The following LRBA variants were observed in gnomAD, a reference collection of about 807,000 sequenced individuals.
LRBA encodes the protein LPS responsive beige-like anchor protein.
LRBA carries 176 observed loss-of-function variants against 330.0 expected under a neutral mutation model. That is an observed-to-expected ratio of 0.53 (90% CI 0.47 to 0.60). The LOEUF (loss-of-function observed/expected upper bound fraction) is 0.60, where lower values mean the gene tolerates loss of function less well. Among genes scored for constraint, LRBA ranks in the 20% least tolerant of loss-of-function variants. The pLI, the probability that LRBA is intolerant of heterozygous loss-of-function variation, is 0.00. For missense variants in LRBA, 3,259 were observed against 3,444.8 expected, an observed-to-expected ratio of 0.95 and a Z score of 1.35; for synonymous variants, 1,230 against 1,193.0, an observed-to-expected ratio of 1.03 and a Z score of -0.64.
intron 56 of LRBA, among the ~76,000 whole-genome samples, chr4:150,273,219 T>A (rs894369547): frequency 1.3e-5 from 2 of 152,106 alleles, no homozygotes; most frequent in Non-Finnish European, 2.9e-5. Context: ...CTAAGCTTCA[T>A]AAGCAAAGGA....
chr4:150,311,326 C>T (rs1731026741), intron 51 of LRBA: 1 of 152,082 alleles, frequency 6.6e-6, no homozygotes, highest in Non-Finnish European at 1.5e-5. Context: ...TTTGATTGTA[C>T]CAGAAATCAG....
intron 43 of LRBA, among the ~76,000 whole-genome samples, chr4:150,468,520 G>T (rs78219848): frequency 0.025 from 3,838 of 152,008 alleles, 148 homozygotes; most frequent in African/African-American, 0.087. Flanking sequence ...CAGTTTTTTG[G>T]ATATTACCTT....
rs368127743 is a variant in LRBA at position 150,795,201 on chromosome 4, C to T, written c.5580+2880G>A. On this transcript the variant is annotated intron_variant, in intron 34 of 56. Coordinates refer to ENST00000651943, the MANE Select transcript of LRBA (RefSeq NM_001364905.1). ...AGTCTTTCAAAAATGATATTAATGT[C>T]AAATGAACAAGATACAAACACTTTA... is the stretch of plus-strand genomic sequence containing the variant. 1.7e-4 allele frequency among the ~76,000 whole-genome samples: 26 copies of T among 152,086 alleles called. No individual in the cohort carries two copies. In the South Asian group the frequency reaches 2.9e-3, roughly 17 times the overall value.
At chr4:150,684,277 A>C (rs1582035909) in intron 36 of LRBA, among the ~76,000 whole-genome samples, 1 of 152,206 alleles carries the variant, frequency 6.6e-6, no homozygotes, top group South Asian at 2.1e-4. Flanking sequence ...AGGCCACTGC[A>C]CAGGGCCAGA....
chr4:150,608,453 T>C (rs1015558981), intron 37 of LRBA, among the ~76,000 whole-genome samples: 1 of 152,028 alleles, frequency 6.6e-6, no homozygotes, highest in Non-Finnish European at 1.5e-5. Flanking sequence ...AGAACCAAAA[T>C]AGAACGGTGC....
intron 2 of LRBA, among the ~76,000 whole-genome samples, chr4:150,938,215 T>G (rs1735299486): frequency 6.6e-6 from 1 of 152,160 alleles, no homozygotes; most frequent in Non-Finnish European, 1.5e-5. Context: ...CTGAACCTAT[T>G]TATTTATAAA....
intron 35 of LRBA, among the ~76,000 whole-genome samples, chr4:150,741,684 A>C (rs961705981): frequency 2.9e-4 from 44 of 152,206 alleles, no homozygotes; most frequent in African/African-American, 9.9e-4. Flanking sequence ...AAGTAGGAAA[A>C]AAAAGAATCA....
At chr4:150,849,823 A>G (rs1400443387) in intron 24 of LRBA, among the ~76,000 whole-genome samples, 1 of 152,214 alleles carries the variant, frequency 6.6e-6, no homozygotes, top group Non-Finnish European at 1.5e-5. Flanking sequence ...CTGGATATAA[A>G]AAGTTGAAGA....
intron 37 of LRBA, among the ~76,000 whole-genome samples, chr4:150,639,922 T>A (rs771374225): frequency 7.1e-6 from 1 of 140,018 alleles, no homozygotes; most frequent in Non-Finnish European, 1.5e-5. Flanking sequence ...AATGGTATGA[T>A]CTCTGCTCAC....
At chr4:150,880,402 C>A (rs911429813) in intron 17 of LRBA, among the ~76,000 whole-genome samples, 4 of 152,038 alleles carry the variant, frequency 2.6e-5, no homozygotes, top group African/African-American at 9.7e-5. Flanking sequence ...TGCCTGTAAT[C>A]CCAGCTACCT....
chr4:150,279,297 C>T (rs1747208867), intron 55 of LRBA, among the ~76,000 whole-genome samples: 1 of 152,138 alleles, frequency 6.6e-6, no homozygotes, highest in Non-Finnish European at 1.5e-5. Flanking sequence ...CTCCAAAAGC[C>T]AATCCTATTA....
chr4:150,632,234 G>GA lies in LRBA; in HGVS notation c.5922-33104dup, dbSNP rs33955499. Among the ~76,000 whole-genome samples, 433 of 136,954 alleles carry GA rather than the reference G, an allele frequency of 3.2e-3. 3 individuals are homozygous for GA. Among genetic ancestry groups the GA allele is most frequent in the African/African-American group, 7.3e-3 (268 of 36,886 alleles). The allele number at this position is 136,954 out of a possible 152,430, so 89.8% of individuals were successfully genotyped here. On this transcript the variant is annotated intron_variant, in intron 37 of 56. Coordinates refer to ENST00000651943, the MANE Select transcript of LRBA (RefSeq NM_001364905.1). ...AGACAGAGTGAGACTCTGTCTCAAG[G>GA]AAAAAAAAAAAAAAAAGTGATGGCT... is the stretch of plus-strand genomic sequence containing the variant.
At chr4:150,949,616 AG>A (rs1191126134) in intron 2 of LRBA, among the ~76,000 whole-genome samples, 5 of 152,126 alleles carry the variant, frequency 3.3e-5, no homozygotes, top group African/African-American at 1.2e-4. Flanking sequence ...TAGAAGACCT[AG>A]TTTTAAAAAA....
At chr4:150,757,833 A>T (rs146509783) in intron 35 of LRBA, among the ~76,000 whole-genome samples, 1 of 152,290 alleles carries the variant, frequency 6.6e-6, no homozygotes, top group African/African-American at 2.4e-5. Flanking sequence ...CTTAGCTTCC[A>T]CCACTGTTTA....
At chr4:150,883,179 G>A (rs187204508) in intron 17 of LRBA, among the ~76,000 whole-genome samples, 29 of 152,080 alleles carry the variant, frequency 1.9e-4, no homozygotes, top group African/African-American at 6.8e-4. Flanking sequence ...TATGGTTCTA[G>A]GCCGGGAGTG....
intron 40 of LRBA, among the ~76,000 whole-genome samples, chr4:150,558,240 A>G (rs1411741906): frequency 1.3e-5 from 2 of 152,116 alleles, no homozygotes; most frequent in Non-Finnish European, 2.9e-5. Context: ...AGCAGAGCCC[A>G]CACTTAGCAG....
intron 46 of LRBA, among the ~76,000 whole-genome samples, chr4:150,419,301 C>G (rs1026089377): frequency 2.0e-5 from 3 of 152,102 alleles, no homozygotes; most frequent in Admixed American, 6.6e-5. Context: ...TATTTTCTAA[C>G]AGTAACTTGG....
intron 45 of LRBA, among the ~76,000 whole-genome samples, chr4:150,436,335 G>A (rs971104885): frequency 3.9e-5 from 6 of 152,042 alleles, no homozygotes; most frequent in African/African-American, 1.4e-4. Flanking sequence ...ATCAATACAC[G>A]ACAGCCTTAG....
intron 14 of LRBA, among the ~76,000 whole-genome samples, chr4:150,898,751 C>G (rs952014922): frequency 1.3e-5 from 2 of 152,018 alleles, no homozygotes; most frequent in Non-Finnish European, 2.9e-5. Context: ...TTATAAAAGG[C>G]AGGCGAGAAT....
Sources: allele counts gnomAD v4.1 joint callset (sites outside exome capture counted in the v4.1 genomes callset), GRCh38; gene constraint gnomAD v4.1.1; transcripts MANE v1.5; gene names NCBI Gene and HGNC (gene_info 2026-07-23, HGNC 2026-07-21).